Variants in GRM7 observed in about 807,000 individuals in gnomAD.
The protein encoded by GRM7 is metabotropic glutamate receptor 7.
Under a neutral mutation model 84.5 loss-of-function variants are expected in GRM7, and 35 were observed. The ratio of observed to expected loss-of-function variants is 0.41; its 90% confidence interval spans 0.32 to 0.55. The LOEUF (loss-of-function observed/expected upper bound fraction) is 0.55, where lower values mean the gene tolerates loss of function less well. GRM7 is among the 20% of genes least tolerant of loss of function. The pLI, the probability that GRM7 is intolerant of heterozygous loss-of-function variation, is 0.19. For missense variants in GRM7, 1,003 were observed against 1,194.6 expected, an observed-to-expected ratio of 0.84 and a Z score of 2.36; for synonymous variants, 487 against 455.1, an observed-to-expected ratio of 1.07 and a Z score of -0.89.
At chr3:7,373,292 TAGA>T (rs1694214318) in intron 4 of GRM7, among the ~76,000 whole-genome samples, 1 of 152,220 alleles carries the variant, frequency 6.6e-6, no homozygotes, top group African/African-American at 2.4e-5. Flanking sequence ...ACTGATTTTC[TAGA>T]ACTGCCTAAT....
chr3:7,610,178 A>C (rs1294443738), intron 8 of GRM7, among the ~76,000 whole-genome samples: 1 of 152,190 alleles, frequency 6.6e-6, no homozygotes, highest in Non-Finnish European at 1.5e-5. Flanking sequence ...TTAAACTTTA[A>C]GTCTACAGCA....
intron 1 of GRM7, among the ~76,000 whole-genome samples, chr3:6,968,297 T>G (rs1405558566): frequency 6.6e-6 from 1 of 152,214 alleles, no homozygotes; most frequent in Non-Finnish European, 1.5e-5. Flanking sequence ...TGTCGAAATT[T>G]CTTCTTATTA....
At chr3:6,937,943 A>C (rs182750628) in intron 1 of GRM7, among the ~76,000 whole-genome samples, 1 of 152,322 alleles carries the variant, frequency 6.6e-6, no homozygotes, top group Admixed American at 6.5e-5. Flanking sequence ...CAAGTCTCTT[A>C]ATAAGTAAAT....
chr3:7,728,684 G>C (rs1014636485), intron 9 of GRM7, among the ~76,000 whole-genome samples: 3 of 152,152 alleles, frequency 2.0e-5, no homozygotes, highest in African/African-American at 7.2e-5. Context: ...TTCTGGCTTT[G>C]GTGCCAGGGC....
At position 7,579,166 on chromosome 3, in the gene GRM7, C is replaced by T; in HGVS notation, c.2260C>T (p.Leu754Phe). 6.2e-7 allele frequency: 1 copy of T among 1,613,848 alleles called. No individual in the cohort carries two copies. Among genetic ancestry groups the T allele is most frequent in the Non-Finnish European group, 8.5e-7 (1 of 1,179,772 alleles). The stretch of plus-strand genomic sequence containing the variant: ...GGTTCTCAAGTGTGACATTACAGAT[C>T]TCCAAATCATTTGCTCCTTGGGATA... ...RGVLKCDITD[L>F]QIICSLGYSI... The change falls in exon 8 of 10, where the codon CTC (leucine) becomes TTC (phenylalanine). Residue 754 changes from leucine to phenylalanine, a missense_variant. This residue lies in a region of GRM7 where 910 missense variants were observed against 1,126.0 expected (regional missense o/e 0.81). Transcript: ENST00000357716.
intron 1 of GRM7, among the ~76,000 whole-genome samples, chr3:7,050,215 T>G (rs1432474838): frequency 1.3e-5 from 2 of 151,854 alleles, no homozygotes; most frequent in Admixed American, 1.3e-4. Context: ...TTCCCAGTGA[T>G]CTCATGAACT....
At chr3:7,088,614 G>A (rs539830961) in intron 1 of GRM7, among the ~76,000 whole-genome samples, 1 of 144,426 alleles carries the variant, frequency 6.9e-6, no homozygotes, top group Non-Finnish European at 1.5e-5. Flanking sequence ...AACATGGATC[G>A]TTGAATGAAT....
chr3:7,625,125 TATCACAATTGGCCCCTTAG>T (rs1697545796), intron 8 of GRM7, among the ~76,000 whole-genome samples: 1 of 152,172 alleles, frequency 6.6e-6, no homozygotes, highest in South Asian at 2.1e-4. Flanking sequence ...CTTAGCTGTG[TATCACAATTGGCCCCTTAG>T]ATCGCTGGTA....
intron 7 of GRM7, among the ~76,000 whole-genome samples, chr3:7,481,169 C>T (rs1461214266): frequency 2.0e-5 from 3 of 151,936 alleles, no homozygotes; most frequent in Non-Finnish European, 4.4e-5. Context: ...GCATCAATCT[C>T]CCAGGCTGAA....
intron 4 of GRM7, among the ~76,000 whole-genome samples, chr3:7,374,675 G>C (rs1386494819): frequency 7.1e-6 from 1 of 141,246 alleles, no homozygotes; most frequent in Admixed American, 7.3e-5. Context: ...ATTTTTAGTA[G>C]AGACAGGGTT....
At chr3:7,024,254 C>T (rs1695890593) in intron 1 of GRM7, among the ~76,000 whole-genome samples, 1 of 152,108 alleles carries the variant, frequency 6.6e-6, no homozygotes, top group African/African-American at 2.4e-5. Context: ...CTATCTAGGT[C>T]AGGGAAGGCT....
intron 2 of GRM7, among the ~76,000 whole-genome samples, chr3:7,274,373 TGAG>T (rs1698975747): frequency 1.3e-5 from 2 of 152,072 alleles, no homozygotes; most frequent in Non-Finnish European, 2.9e-5. Context: ...CATGTAGATA[TGAG>T]TTTCTGACCT....
chr3:7,064,565 ATATAT>A (rs570483395), intron 1 of GRM7, among the ~76,000 whole-genome samples: 17 of 78,906 alleles, frequency 2.2e-4, no homozygotes, highest in African/African-American at 9.6e-4. Flanking sequence ...ATATATATAT[ATATAT>A]CACAGTTTCT....
intron 7 of GRM7, among the ~76,000 whole-genome samples, chr3:7,560,710 T>C (rs1693980460): frequency 6.6e-6 from 1 of 152,172 alleles, no homozygotes; most frequent in South Asian, 2.1e-4. Context: ...GCCGTGTTAC[T>C]TCCCATGCTC....
At chr3:7,266,569 T>C (rs186233088) in intron 2 of GRM7, among the ~76,000 whole-genome samples, 2 of 152,336 alleles carry the variant, frequency 1.3e-5, no homozygotes, top group African/African-American at 4.8e-5. Flanking sequence ...TCACTCACCC[T>C]TGAAAACCTT....
intron 1 of GRM7, among the ~76,000 whole-genome samples, chr3:6,943,727 C>T (rs1248479736): frequency 6.6e-6 from 1 of 151,954 alleles, no homozygotes; most frequent in Non-Finnish European, 1.5e-5. Flanking sequence ...ACAAAATCAC[C>T]TGTTGGGTTA....
intron 2 of GRM7, among the ~76,000 whole-genome samples, chr3:7,241,668 C>A (rs1697563710): frequency 6.6e-6 from 1 of 152,000 alleles, no homozygotes; most frequent in African/African-American, 2.4e-5. Flanking sequence ...AAGAGACTGA[C>A]CGTTGATTTC....
chr3:7,008,435 A>T (rs1218793810), intron 1 of GRM7, among the ~76,000 whole-genome samples: 1 of 152,232 alleles, frequency 6.6e-6, no homozygotes, highest in Non-Finnish European at 1.5e-5. Context: ...GGAGGCCTTT[A>T]CACTTACTAC....
chr3:6,900,038 C>G (rs527685408), intron 1 of GRM7, among the ~76,000 whole-genome samples: 1 of 152,028 alleles, frequency 6.6e-6, no homozygotes, highest in East Asian at 1.9e-4. Flanking sequence ...ACAGATATAA[C>G]AGCTAATTCA....
Sources: allele counts gnomAD v4.1 joint callset (sites outside exome capture counted in the v4.1 genomes callset), GRCh38; gene constraint gnomAD v4.1.1; regional missense constraint gnomAD v4.1.1; transcripts MANE v1.5; gene names NCBI Gene and HGNC (gene_info 2026-07-23, HGNC 2026-07-21).